Variants in RNF138 observed in about 807,000 individuals in gnomAD.
RNF138 encodes ring finger protein 138, also known as E3 ubiquitin-protein ligase RNF138.
Under a neutral mutation model 31.0 loss-of-function variants are expected in RNF138, and 12 were observed. The observed-to-expected ratio is 0.39, with a 90% CI of 0.25 to 0.63. The LOEUF is 0.63. Among genes scored for constraint, RNF138 ranks in the 20% least tolerant of loss-of-function variants. RNF138 has a pLI of 0.52. For synonymous variants in RNF138, 105 were observed against 99.5 expected (o/e 1.06, Z -0.33); for missense variants, 192 against 300.1 (o/e 0.64, Z 2.66).
rs913649744 is a variant in RNF138, at chr18:32,130,575, AAG to A, written c.*1392_*1393del. 1.3e-5 allele frequency: 2 copies of A among 152,498 alleles called. No individual in the cohort carries two copies. The highest frequency in any genetic ancestry group is 4.8e-5 in the African/African-American group (2 of 41,448). The allele number at this position is 152,498 out of a possible 1,614,324, so 9.4% of individuals were successfully genotyped here. On this transcript the variant is annotated 3_prime_UTR_variant, in exon 8 of 8. Coordinates refer to ENST00000261593, the MANE Select transcript of RNF138 (RefSeq NM_016271.5). ...AAAATAACTAGAAGAACATAAAAGA[AAG>A]AGAATCTCAGAAGTAGTTTGCTGCT... is the stretch of plus-strand genomic sequence containing the variant.
At chr18:32,113,679 CTT>C (rs2040169739) in intron 3 of RNF138, 64 bp from the exon 4 acceptor site, 1 of 716,126 alleles carries the variant, frequency 1.4e-6, no homozygotes, top group Non-Finnish European at 2.2e-6. Flanking sequence ...TTTTTCCTCT[CTT>C]TACACTATTT....
chr18:32,103,490 G>T (rs1008994085), intron 2 of RNF138, among the ~76,000 whole-genome samples: 1 of 151,804 alleles, frequency 6.6e-6, no homozygotes, highest in African/African-American at 2.4e-5. Context: ...ACTGTGTCTG[G>T]TCTCATTCAG....
At chr18:32,096,489 C>G (rs76450674) in intron 2 of RNF138, among the ~76,000 whole-genome samples, 1 of 152,038 alleles carries the variant, frequency 6.6e-6, no homozygotes, top group Non-Finnish European at 1.5e-5. Flanking sequence ...TCGAAGTGGT[C>G]ACCGAGTGAG....
intron 2 of RNF138, among the ~76,000 whole-genome samples, chr18:32,094,981 A>G (rs2039779099): frequency 6.6e-6 from 1 of 152,110 alleles, no homozygotes; most frequent in South Asian, 2.1e-4. Context: ...AAAATGTTGG[A>G]GATGATTGTT....
At chr18:32,097,575 C>T (rs2039832472) in intron 2 of RNF138, among the ~76,000 whole-genome samples, 1 of 152,138 alleles carries the variant, frequency 6.6e-6, no homozygotes, top group South Asian at 2.1e-4. Flanking sequence ...CCTCCACCTC[C>T]TGGATTTAAG....
In RNF138 at chr18:32,116,964, C is replaced by G. The variant is rs551157952; in HGVS notation, c.392+3104C>G. On this transcript the variant is annotated intron_variant, in intron 4 of 7. Transcript: ENST00000261593. ...TCTCCCAGGCTGGAGTGCAGTGGTGCGATCTCAGCTCACTACAACATCGAC... is the reference window on the plus strand; with the variant it reads ...TCTCCCAGGCTGGAGTGCAGTGGTGGGATCTCAGCTCACTACAACATCGAC... Among the ~76,000 whole-genome samples the G allele has an allele frequency of 2.6e-5, 4 of 152,094 alleles. No homozygotes were observed. In the East Asian group the frequency reaches 7.7e-4, roughly 29 times the overall value.
At chr18:32,100,734 C>T (rs1441115156) in intron 2 of RNF138, among the ~76,000 whole-genome samples, 1 of 152,082 alleles carries the variant, frequency 6.6e-6, no homozygotes, top group Non-Finnish European at 1.5e-5. Context: ...CCTCGGCCTA[C>T]CAAAGTGTTG....
chr18:32,113,741 A>G lies in RNF138; in HGVS notation c.277-4A>G. On this transcript the variant is annotated splice_polypyrimidine_tract_variant and splice_region_variant and intron_variant, in intron 3 of 7. Transcript: ENST00000261593. ...ATTAAAAGTCACATTTTAATAATTT[A>G]CAGATTAAATTCTATCGCATGAGAC... 2 of 1,249,312 alleles carry G rather than the reference A, an allele frequency of 1.6e-6. No homozygotes were observed. The highest frequency in any genetic ancestry group is 2.2e-6 in the Non-Finnish European group (2 of 897,326). The allele number at this position is 1,249,312 out of a possible 1,614,324, so 77.4% of individuals were successfully genotyped here. A position where few individuals can be genotyped will look rare whatever the true frequency, so the allele number is the denominator to read the frequency against.
intron 7 of RNF138, 107 bp from the exon 8 acceptor site, chr18:32,129,012 A>G: frequency 1.4e-6 from 1 of 723,926 alleles, no homozygotes; most frequent in Non-Finnish European, 2.5e-6. Context: ...AGTGTGTGTA[A>G]TGTGTGTCAA....
At chr18:32,121,389 G>C (rs1598862473) in intron 4 of RNF138, among the ~76,000 whole-genome samples, 1 of 152,172 alleles carries the variant, frequency 6.6e-6, no homozygotes, top group South Asian at 2.1e-4. Context: ...TAGCTTCTCA[G>C]GAGGCTGAGG....
intron 2 of RNF138, among the ~76,000 whole-genome samples, chr18:32,100,298 A>G (rs1413698543): frequency 6.6e-6 from 1 of 150,950 alleles, no homozygotes; most frequent in Admixed American, 6.6e-5. Context: ...TTATTATTTT[A>G]TATATATATT....
At chr18:32,100,936 G>A (rs2039927367) in intron 2 of RNF138, among the ~76,000 whole-genome samples, 1 of 152,134 alleles carries the variant, frequency 6.6e-6, no homozygotes. Flanking sequence ...TAAATGCTCA[G>A]AAAAATGGTG....
intron 2 of RNF138, among the ~76,000 whole-genome samples, chr18:32,105,608 T>C (rs1247780401): frequency 1.3e-5 from 2 of 152,180 alleles, no homozygotes; most frequent in African/African-American, 4.8e-5. Flanking sequence ...TCCAGATGGA[T>C]TGAAAACTTT....
rs1411753219 is a variant in RNF138, at chr18:32,131,317, G to A, written c.*2130G>A. 1 of 152,040 alleles carries A rather than the reference G, an allele frequency of 6.6e-6. No individual in the cohort carries two copies. Among genetic ancestry groups the A allele is most frequent in the Non-Finnish European group, 1.5e-5 (1 of 67,948 alleles). The allele number at this position is 152,040 out of a possible 1,614,324, so 9.4% of individuals were successfully genotyped here. A position where few individuals can be genotyped will look rare whatever the true frequency, so the allele number is the denominator to read the frequency against. On this transcript the variant is annotated 3_prime_UTR_variant, in exon 8 of 8. Transcript: ENST00000261593. ...TTTAAAATTTCCCCTCTTTTTGTCA[G>A]TGCATTGGGAATAGGGATAGACTTT...
At chr18:32,097,529 G>C (rs1249626554) in intron 2 of RNF138, among the ~76,000 whole-genome samples, 1 of 151,968 alleles carries the variant, frequency 6.6e-6, no homozygotes, top group African/African-American at 2.4e-5. Context: ...TGTTGCCCAG[G>C]CTGGAGTGCA....
At position 32,103,729 on chromosome 18, in the gene RNF138, C is replaced by T. The variant is rs572654440; in HGVS notation, c.111-8025C>T. ...CTGTAATCCCAGCACTTTGGGAGGC[C>T]GAGGCGGGTGGATCACGAGGTCAGG... On this transcript the variant is annotated intron_variant, in intron 2 of 7. Transcript: ENST00000261593. 7.3e-3 allele frequency among the ~76,000 whole-genome samples: 1,107 copies of T among 152,028 alleles called. 19 individuals carry two copies. Among genetic ancestry groups the T allele is most frequent in the African/African-American group, 0.025 (1,055 of 41,470 alleles).
chr18:32,120,981 C>G (rs551090617), intron 4 of RNF138, among the ~76,000 whole-genome samples: 2 of 151,798 alleles, frequency 1.3e-5, no homozygotes, highest in African/African-American at 4.8e-5. Context: ...ACTAAAAATA[C>G]AAAAATTAGC....
chr18:32,098,132 G>A (rs182776578), intron 2 of RNF138, among the ~76,000 whole-genome samples: 27 of 151,844 alleles, frequency 1.8e-4, no homozygotes, highest in African/African-American at 6.3e-4. Flanking sequence ...GATTACAGGC[G>A]TGCACCATCA....
rs1306239806 is a variant in RNF138, at chr18:32,130,778, TAAC to T, written c.*1595_*1597del. On this transcript the variant is annotated 3_prime_UTR_variant, in exon 8 of 8. Transcript: ENST00000261593. ...TAAAGACTTTATTTATGGATTGTAA[TAAC>T]AACCACAAGAAAAGCCATACATCTT... The T allele has an allele frequency of 3.9e-5, 6 of 152,496 alleles. No individual in the cohort carries two copies. The highest frequency in any genetic ancestry group is 9.6e-5 in the African/African-American group (4 of 41,468). 9.4% of individuals were successfully genotyped at this position (152,496 alleles called of 1,614,324 possible). A position where few individuals can be genotyped will look rare whatever the true frequency, so the allele number is the denominator to read the frequency against.
Sources: gnomAD v4.1 joint callset for allele counts (sites outside exome capture counted in the v4.1 genomes callset) on GRCh38, gnomAD v4.1.1 for gene constraint, MANE v1.5 for transcripts, NCBI Gene and HGNC (gene_info 2026-07-23, HGNC 2026-07-21) for gene names.